The following BDP1 variants were observed in gnomAD, a reference collection of about 807,000 sequenced individuals.
BDP1 encodes BDP1 general transcription factor IIIB subunit.
BDP1 carries 169 observed loss-of-function variants against 266.6 expected under a neutral mutation model. The observed-to-expected ratio is 0.63, with a 90% CI of 0.56 to 0.72. The LOEUF (loss-of-function observed/expected upper bound fraction) is 0.72. Ranked by LOEUF, BDP1 falls within the 30% of genes least tolerant of loss-of-function variation. The pLI is 0.00. For synonymous variants in BDP1, 1,090 were observed against 1,022.4 expected (o/e 1.07, Z -1.26); for missense variants, 3,015 against 3,053.8 (o/e 0.99, Z 0.30).
downstream of BDP1, among the ~76,000 whole-genome samples, chr5:71,571,300 G>A (rs963749790): frequency 5.3e-5 from 8 of 151,980 alleles, no homozygotes; most frequent in South Asian, 1.5e-3. Flanking sequence ...GCATGCCACC[G>A]TGCCTGGCTA....
Position 71,468,453 on chromosome 5 carries a change from ATT to A in BDP1, c.919+980_919+981del, listed in dbSNP as rs879364385. Among the ~76,000 whole-genome samples the A allele has an allele frequency of 4.4e-3, 619 of 141,792 alleles. 3 individuals carry two copies. The highest frequency in any genetic ancestry group is 0.014 in the African/African-American group (533 of 38,968). The allele number at this position is 141,792 out of a possible 152,430, so 93.0% of individuals were successfully genotyped here. On this transcript the variant is annotated intron_variant, in intron 6 of 38. Transcript: ENST00000358731. ...GTGAGTCGTTGTGCCCAGCCCAGAAATTTTTTTTTTTTTTTAATTTCTTTCAG... is the reference window on the plus strand; with the variant it reads ...GTGAGTCGTTGTGCCCAGCCCAGAAATTTTTTTTTTTTTAATTTCTTTCAG...
intron 23 of BDP1, 92 bp downstream of exon 23, chr5:71,522,582 G>T: frequency 2.4e-6 from 3 of 1,259,690 alleles, no homozygotes; most frequent in South Asian, 1.5e-5. Flanking sequence ...ATACAGTTTT[G>T]ACTTCTGTAC....
chr5:71,534,353 T>C (rs1766452767), intron 26 of BDP1, among the ~76,000 whole-genome samples: 1 of 152,208 alleles, frequency 6.6e-6, no homozygotes, highest in African/African-American at 2.4e-5. Context: ...TCTTTCCCCA[T>C]TGAATAGTCT....
intron 32 of BDP1, among the ~76,000 whole-genome samples, chr5:71,547,578 A>T (rs1352760701): frequency 6.6e-6 from 1 of 152,164 alleles, no homozygotes; most frequent in African/African-American, 2.4e-5. Context: ...GCAAGCTGTT[A>T]CCCTGTAGTT....
chr5:71,542,038 A>G (rs1057263033), intron 29 of BDP1, 67 bp from the exon 30 acceptor site: 4 of 1,315,776 alleles, frequency 3.0e-6, no homozygotes, highest in Non-Finnish European at 4.2e-6. Flanking sequence ...AGTGCTAGAC[A>G]GACTGTATTA....
At position 71,544,462 on chromosome 5, in the gene BDP1, G is replaced by A. The variant is rs764347060; in HGVS notation, c.6518G>A (p.Gly2173Asp). Residue 2173 changes from glycine to aspartate, a missense_variant, in exon 31 of 39, where the codon GGT becomes GAT. Physicochemically the swap from Gly to Asp is moderately conservative, Grantham distance 94. Around this residue, in one of 3 missense-constraint regions of BDP1, gnomAD observed 629 missense variants for 632.5 expected, o/e 0.99. Transcript: ENST00000358731. ...KDQSKLACVH[G>D]IKGTSISSEV... ...CAGAGCAAATTGGCATGTGTACATGGTATCAAAGGGACCAGTATTTCTTCA... is the reference window on the plus strand; with the variant it reads ...CAGAGCAAATTGGCATGTGTACATGATATCAAAGGGACCAGTATTTCTTCA... 1.9e-6 allele frequency: 3 copies of A among 1,613,838 alleles called. No homozygotes were observed. The highest frequency in any genetic ancestry group is 1.7e-6 in the Non-Finnish European group (2 of 1,179,938).
chr5:71,461,863 C>G lies in BDP1; in HGVS notation c.536C>G (p.Pro179Arg). Residue 179 changes from proline to arginine, a missense_variant, in exon 3 of 39, where the codon CCA becomes CGA. Coordinates refer to ENST00000358731, the MANE Select transcript of BDP1 (RefSeq NM_018429.3). ...KYAINESQRP[P>R]DRSKMTMRDF... is the part of the protein sequence containing the mutation. ...GCTATAAATGAAAGTCAGAGGCCAC[C>G]AGATCGTTCAAAAATGACTATGAGA... The G allele has an allele frequency of 6.2e-7, 1 of 1,608,600 alleles. No individual in the cohort carries two copies. Among genetic ancestry groups the G allele is most frequent in the Non-Finnish European group, 8.5e-7 (1 of 1,176,826 alleles).
Position 71,562,315 on chromosome 5 carries a change from C to T in BDP1, c.7538C>T (p.Ser2513Leu). The T allele has an allele frequency of 6.2e-7, 1 of 1,600,102 alleles. No individual in the cohort carries two copies. Among genetic ancestry groups the T allele is most frequent in the East Asian group, 2.3e-5 (1 of 44,026 alleles). The change falls in exon 38 of 39, where the codon TCA becomes TTA. Residue 2513 changes from serine to leucine, a missense_variant. Coordinates refer to ENST00000358731, the MANE Select transcript of BDP1 (RefSeq NM_018429.3). ...RPLGFLSLIC[S>L]KNSLESDEPM... The stretch of plus-strand genomic sequence containing the variant: ...CTGGGATTTTTATCTTTAATATGCT[C>T]AAAGAATAGTTTGGAGTCTGATGAA...
Position 71,478,973 on chromosome 5 carries a change from T to G in BDP1, c.1015-4869T>G, listed in dbSNP as rs140002747. 5.5e-3 allele frequency among the ~76,000 whole-genome samples: 836 copies of G among 152,288 alleles called. 12 individuals are homozygous for G. The highest frequency in any genetic ancestry group is 0.019 in the African/African-American group (780 of 41,560). ...TGTCTTCAATCTGCTGTTAAACCCA[T>G]TTAGTGAATATTTTATTTCTGATAC... On this transcript the variant is annotated intron_variant, in intron 7 of 38. Transcript: ENST00000358731.
chr5:71,484,050 G>T (rs1161853459), intron 8 of BDP1, among the ~76,000 whole-genome samples, 154 bp downstream of exon 8: 1 of 152,150 alleles, frequency 6.6e-6, no homozygotes, highest in African/African-American at 2.4e-5. Flanking sequence ...AGCAGTATGG[G>T]TCTGGCACTT....
chr5:71,495,867 C>T (rs1039990928), intron 12 of BDP1, among the ~76,000 whole-genome samples: 1 of 152,028 alleles, frequency 6.6e-6, no homozygotes, highest in African/African-American at 2.4e-5. Context: ...TAAAAATCTC[C>T]CTTTGAAGAG....
chr5:71,558,716 C>G (rs1743407797), intron 36 of BDP1, among the ~76,000 whole-genome samples: 1 of 151,702 alleles, frequency 6.6e-6, no homozygotes, highest in Non-Finnish European at 1.5e-5. Context: ...ATCCCAGTTA[C>G]TCGGCAGGCT....
downstream of BDP1, among the ~76,000 whole-genome samples, chr5:71,571,988 A>G (rs899902691): frequency 1.3e-5 from 2 of 152,170 alleles, no homozygotes; most frequent in African/African-American, 4.8e-5. Context: ...TATCATGAAT[A>G]CAGAATGTGG....
chr5:71,483,887 A>C lies in BDP1; in HGVS notation c.1060A>C (p.Lys354Gln). Reference sequence around the variant, plus strand: ...GAAAACAAATGGATGGAGAATAGACAAAGCATTCCGTAAGTATTAAGACCT... The same window carrying C: ...GAAAACAAATGGATGGAGAATAGACCAAGCATTCCGTAAGTATTAAGACCT... ...EEKTNGWRIDKAFQEKRPFDF... is the reference protein window; with the variant it reads ...EEKTNGWRIDQAFQEKRPFDF... Residue 354 changes from lysine to glutamine, a missense_variant, in exon 8 of 39, where the codon AAA (lysine) becomes CAA (glutamine). Around this residue, in one of 3 missense-constraint regions of BDP1, gnomAD observed 2,383 missense variants for 2,404.9 expected, o/e 0.99. Transcript: ENST00000358731. 6.2e-7 allele frequency: 1 copy of C among 1,610,428 alleles called. No individual in the cohort carries two copies. Among genetic ancestry groups the C allele is most frequent in the Non-Finnish European group, 8.5e-7 (1 of 1,177,226 alleles).
chr5:71,494,301 C>T (rs767024714), intron 11 of BDP1, among the ~76,000 whole-genome samples: 5 of 152,070 alleles, frequency 3.3e-5, no homozygotes, highest in South Asian at 2.1e-4. Context: ...ATGGTCAGTG[C>T]GTGGCTATCA....
At position 71,548,573 on chromosome 5, in the gene BDP1, G is replaced by A. The variant is rs149525871; in HGVS notation, c.6745-109G>A. 80 of 719,548 alleles carry A rather than the reference G, an allele frequency of 1.1e-4. No homozygotes were observed. In the African/African-American group the frequency reaches 1.2e-3, roughly 11 times the overall value. 44.6% of individuals were successfully genotyped at this position (719,548 alleles called of 1,614,324 possible). On this transcript the variant is annotated intron_variant, in intron 32 of 38. Coordinates refer to ENST00000358731, the MANE Select transcript of BDP1 (RefSeq NM_018429.3). ...CTTCAAACACTTGAAAACTGTATAT[G>A]GTTAGATGTTGTTGAGTTAATCTCT... is the stretch of plus-strand genomic sequence containing the variant.
chr5:71,502,233 G>A (rs1764293040), intron 14 of BDP1, among the ~76,000 whole-genome samples: 1 of 142,684 alleles, frequency 7.0e-6, no homozygotes, highest in African/African-American at 2.6e-5. Context: ...GTCACGTAGT[G>A]GTGCAGTCTC....
In BDP1 at chr5:71,553,219, A is replaced by G. The variant is rs747988909; in HGVS notation, c.7099A>G (p.Arg2367Gly). ...KPPDNLDLVS[R>G]KRFQCRLDKN... ...GCCTGATAATTTGGATCTTGTATCT[A>G]GGAAGAGATTTCAATGCAGGCTTGA... Residue 2367 changes from arginine to glycine, a missense_variant, in exon 35 of 39, where the codon AGG (arginine) becomes GGG (glycine). Around this residue, in one of 3 missense-constraint regions of BDP1, gnomAD observed 629 missense variants for 632.5 expected, o/e 0.99. Coordinates refer to ENST00000358731, the MANE Select transcript of BDP1 (RefSeq NM_018429.3). 6.2e-7 allele frequency: 1 copy of G among 1,613,378 alleles called. No individual in the cohort carries two copies. The highest frequency in any genetic ancestry group is 1.1e-5 in the South Asian group (1 of 91,044).
chr5:71,557,525 C>T (rs1478314208), intron 36 of BDP1, among the ~76,000 whole-genome samples: 4 of 152,006 alleles, frequency 2.6e-5, no homozygotes, highest in East Asian at 3.9e-4. Context: ...GCTGGGACTA[C>T]AGGCACCTGC....
Sources: allele counts gnomAD v4.1 joint callset (sites outside exome capture counted in the v4.1 genomes callset), GRCh38; gene constraint gnomAD v4.1.1; regional missense constraint gnomAD v4.1.1; transcripts MANE v1.5; gene names NCBI Gene and HGNC (gene_info 2026-07-23, HGNC 2026-07-21).